The following SPATA16 variants were observed in gnomAD, a reference collection of about 807,000 sequenced individuals.
The protein encoded by SPATA16 is spermatogenesis-associated protein 16.
Under a neutral mutation model 63.3 loss-of-function variants are expected in SPATA16, and 36 were observed. The ratio of observed to expected loss-of-function variants is 0.57; its 90% CI spans 0.44 to 0.75. The LOEUF (loss-of-function observed/expected upper bound fraction) is 0.75, where lower values mean the gene tolerates loss of function less well. Ranked by LOEUF, SPATA16 falls within the 30% of genes least tolerant of loss-of-function variation. The pLI is 0.00. For missense variants in SPATA16, 646 were observed against 679.3 expected (o/e 0.95, Z 0.54); for synonymous variants, 203 against 216.7 (o/e 0.94, Z 0.56).
intron 5 of SPATA16, among the ~76,000 whole-genome samples, chr3:172,973,792 G>C (rs948523435): frequency 1.3e-5 from 2 of 152,160 alleles, no homozygotes; most frequent in African/African-American, 4.8e-5. Flanking sequence ...GTCTAAGCCT[G>C]ACTTGGTACT....
intron 5 of SPATA16, 90 bp from the exon 6 acceptor site, chr3:172,956,914 TAAA>T: frequency 7.0e-7 from 1 of 1,438,438 alleles, no homozygotes; most frequent in African/African-American, 1.4e-5. Flanking sequence ...ATGGATGACT[TAAA>T]AATCTATATA....
chr3:173,035,569 T>C (rs750794101), intron 3 of SPATA16, among the ~76,000 whole-genome samples: 7 of 152,050 alleles, frequency 4.6e-5, no homozygotes, highest in Non-Finnish European at 8.8e-5. Flanking sequence ...GATTTTTAAT[T>C]TTATGAAAGA....
intron 4 of SPATA16, among the ~76,000 whole-genome samples, chr3:172,995,871 A>T (rs1205570432): frequency 1.3e-5 from 2 of 152,114 alleles, no homozygotes; most frequent in African/African-American, 2.4e-5. Context: ...AACTTACATA[A>T]TTGTAGTACT....
At chr3:172,952,551 T>C (rs1051509706) in intron 6 of SPATA16, among the ~76,000 whole-genome samples, 6 of 152,130 alleles carry the variant, frequency 3.9e-5, no homozygotes, top group Non-Finnish European at 8.8e-5. Flanking sequence ...ATATATCACA[T>C]CTGTCCGTTT....
intron 10 of SPATA16, among the ~76,000 whole-genome samples, chr3:172,896,584 C>G (rs1336415322): frequency 1.3e-5 from 2 of 152,206 alleles, no homozygotes; most frequent in African/African-American, 4.8e-5. Flanking sequence ...TATGAGTGAT[C>G]TAATTTCTCT....
At chr3:172,909,182 G>T (rs1732305508) in intron 10 of SPATA16, among the ~76,000 whole-genome samples, 1 of 152,134 alleles carries the variant, frequency 6.6e-6, no homozygotes, top group Non-Finnish European at 1.5e-5. Context: ...CCTCCTGCTT[G>T]CTTGAATGTA....
At chr3:172,951,884 T>A (rs1005930253) in intron 6 of SPATA16, among the ~76,000 whole-genome samples, 2 of 152,256 alleles carry the variant, frequency 1.3e-5, no homozygotes, top group Admixed American at 6.5e-5. Flanking sequence ...AAAACTTTGA[T>A]AGGTAGACTC....
chr3:172,938,528 G>T (rs770423026), intron 6 of SPATA16, among the ~76,000 whole-genome samples: 4 of 152,104 alleles, frequency 2.6e-5, no homozygotes, highest in African/African-American at 9.7e-5. Context: ...ATAATAAAGC[G>T]CCTCTAACAA....
chr3:173,039,921 C>G (rs926186548), intron 3 of SPATA16, among the ~76,000 whole-genome samples: 2 of 151,934 alleles, frequency 1.3e-5, no homozygotes, highest in African/African-American at 4.8e-5. Flanking sequence ...GAGTGTGATC[C>G]CTTTATCACA....
At chr3:173,127,652 A>C (rs1395908027) in intron 1 of SPATA16, among the ~76,000 whole-genome samples, 1 of 152,240 alleles carries the variant, frequency 6.6e-6, no homozygotes, top group Non-Finnish European at 1.5e-5. Context: ...CCTCAGCCAG[A>C]ATACTACAGA....
chr3:173,075,691 G>A (rs1304601839), intron 2 of SPATA16, among the ~76,000 whole-genome samples: 1 of 152,098 alleles, frequency 6.6e-6, no homozygotes, highest in African/African-American at 2.4e-5. Flanking sequence ...AATATCACAG[G>A]TCCTCACTAA....
At chr3:172,923,072 A>C (rs1732650120) in intron 8 of SPATA16, among the ~76,000 whole-genome samples, 1 of 152,198 alleles carries the variant, frequency 6.6e-6, no homozygotes, top group African/African-American at 2.4e-5. Flanking sequence ...AGATGAAATA[A>C]TGCTACACGG....
intron 6 of SPATA16, among the ~76,000 whole-genome samples, chr3:172,948,741 G>T (rs1733357754): frequency 6.6e-6 from 1 of 152,080 alleles, no homozygotes; most frequent in Non-Finnish European, 1.5e-5. Context: ...TGTTGGGATT[G>T]CAAGGGTGAG....
At chr3:173,128,890 C>T (rs1330961131) in intron 1 of SPATA16, among the ~76,000 whole-genome samples, 3 of 152,212 alleles carry the variant, frequency 2.0e-5, no homozygotes, top group Non-Finnish European at 4.4e-5. Context: ...ATCATGTTGG[C>T]CCCAGGCCAA....
chr3:173,102,140 A>G (rs564464784), intron 2 of SPATA16, among the ~76,000 whole-genome samples: 30 of 152,142 alleles, frequency 2.0e-4, no homozygotes, highest in Non-Finnish European at 3.1e-4. Flanking sequence ...CACCTCCTAT[A>G]TAATTTCTCT....
At chr3:173,015,634 A>C (rs1735165112) in intron 4 of SPATA16, among the ~76,000 whole-genome samples, 1 of 152,214 alleles carries the variant, frequency 6.6e-6, no homozygotes, top group South Asian at 2.1e-4. Flanking sequence ...AATGGTTATC[A>C]ACCACATAGT....
intron 8 of SPATA16, among the ~76,000 whole-genome samples, chr3:172,917,461 C>G (rs1317063988): frequency 6.6e-6 from 1 of 152,118 alleles, no homozygotes; most frequent in Non-Finnish European, 1.5e-5. Context: ...GAGAAGTGAC[C>G]AAGTGCCCCT....
intron 10 of SPATA16, among the ~76,000 whole-genome samples, chr3:172,903,619 C>T (rs755436737): frequency 2.0e-5 from 3 of 152,160 alleles, no homozygotes; most frequent in South Asian, 2.1e-4. Flanking sequence ...ACCCTCAGGG[C>T]GACAGTAAGT....
In SPATA16 at chr3:172,927,032, A is replaced by C. The variant is rs74411551; in HGVS notation, c.1082-1540T>G. 8.9e-3 allele frequency among the ~76,000 whole-genome samples: 1,358 copies of C among 152,302 alleles called. 17 individuals carry two copies. Among genetic ancestry groups the C allele is most frequent in the African/African-American group, 0.031 (1,295 of 41,568 alleles). On this transcript the variant is annotated intron_variant, in intron 6 of 10. Transcript: ENST00000351008. ...ATAGCCTTCACTATTTGTCTGTAAT[A>C]CTTCTTTTAAAAATAAAATAGTACA...
Sources: allele counts gnomAD v4.1 joint callset (sites outside exome capture counted in the v4.1 genomes callset), GRCh38; gene constraint gnomAD v4.1.1; transcripts MANE v1.5; gene names NCBI Gene and HGNC (gene_info 2026-07-23, HGNC 2026-07-21).